Variants in SH3GLB1 observed in about 807,000 individuals in gnomAD.
SH3GLB1 encodes the protein endophilin-B1.
In SH3GLB1, 17 loss-of-function variants were observed where a neutral mutation model predicts 42.0. The observed-to-expected ratio is 0.40, with a 90% confidence interval of 0.28 to 0.61. The LOEUF is 0.61. Among genes scored for constraint, SH3GLB1 ranks in the 20% least tolerant of loss-of-function variants. The pLI is 0.36. For synonymous variants in SH3GLB1, 132 were observed against 146.6 expected (o/e 0.90, Z 0.72); for missense variants, 355 against 426.3 (o/e 0.83, Z 1.47).
intron 1 of SH3GLB1, among the ~76,000 whole-genome samples, chr1:86,713,306 T>C (rs1339748054): frequency 6.6e-6 from 1 of 152,076 alleles, no homozygotes; most frequent in Non-Finnish European, 1.5e-5. Flanking sequence ...GGTCTAGAAC[T>C]CCTGAGCTCA....
chr1:86,724,892 A>AAAAAAAATATATATATATATATAT (rs1291454820), intron 5 of SH3GLB1, among the ~76,000 whole-genome samples: 231 of 99,244 alleles, frequency 2.3e-3, no homozygotes, highest in Middle Eastern at 5.7e-3. Flanking sequence ...AAAAAAAAAA[A>AAAAAAAATATATATATATATATAT]ATATATATAT....
chr1:86,714,388 G>A (rs1216670032), intron 1 of SH3GLB1, among the ~76,000 whole-genome samples: 2 of 152,198 alleles, frequency 1.3e-5, no homozygotes, highest in Admixed American at 1.3e-4. Flanking sequence ...TATGGGCTTA[G>A]GCAATAGCTT....
At chr1:86,710,505 TCCACCC>T (rs1654147790) in intron 1 of SH3GLB1, among the ~76,000 whole-genome samples, 5 of 152,136 alleles carry the variant, frequency 3.3e-5, no homozygotes, top group Admixed American at 3.3e-4. Context: ...TCTCAGGTGA[TCCACCC>T]GCCTCAGCCT....
chr1:86,719,418 T>C, intron 2 of SH3GLB1, 89 bp from the exon 3 acceptor site: 3 of 1,149,002 alleles, frequency 2.6e-6, no homozygotes, highest in Admixed American at 2.6e-5. Flanking sequence ...CTTTAGGAGA[T>C]GATAAATGGC....
Position 86,704,837 on chromosome 1 carries a change from C to A in SH3GLB1, c.-63C>A. ...GCCGCTCTAGCCCTGCGCCCCAGCC[C>A]GGCCGCGGCACCTCCGCCTCGCCGC... On this transcript the variant is annotated 5_prime_UTR_variant, in exon 1 of 9. Coordinates refer to ENST00000370558, the MANE Select transcript of SH3GLB1 (RefSeq NM_016009.5). 1 of 1,193,636 alleles carries A rather than the reference C, an allele frequency of 8.4e-7. No homozygotes were observed. 73.9% of individuals were successfully genotyped at this position (1,193,636 alleles called of 1,614,324 possible). A position where few individuals can be genotyped will look rare whatever the true frequency, so the allele number is the denominator to read the frequency against.
rs748716503 is a variant in SH3GLB1 at position 86,724,289 on chromosome 1, AT to A, written c.478-18del. On this transcript the variant is annotated intron_variant, in intron 4 of 8. Transcript: ENST00000370558. Reference sequence around the variant, plus strand: ...CAGAATTTTAGCATCTTTAGCCCTTATTTTTTCTTTTCTATATTTATAGAAA... The same window carrying A: ...CAGAATTTTAGCATCTTTAGCCCTTATTTTTCTTTTCTATATTTATAGAAA... 4.0e-6 allele frequency: 6 copies of A among 1,510,010 alleles called. No homozygotes were observed. The Admixed American group carries it at 6.5e-5, about 16-fold the overall frequency. The allele number at this position is 1,510,010 out of a possible 1,614,324, so 93.5% of individuals were successfully genotyped here.
chr1:86,721,002 T>G (rs1381434143), intron 3 of SH3GLB1, among the ~76,000 whole-genome samples: 1 of 152,222 alleles, frequency 6.6e-6, no homozygotes, highest in African/African-American at 2.4e-5. Flanking sequence ...CAAGCTCAGT[T>G]AGATGCTGGG....
Position 86,704,586 on chromosome 1 carries a change from T to G in SH3GLB1, c.-314T>G, listed in dbSNP as rs1653693207. 8.4e-6 allele frequency: 2 copies of G among 237,674 alleles called. No individual in the cohort carries two copies. The highest frequency in any genetic ancestry group is 1.7e-5 in the Non-Finnish European group (2 of 120,882). The allele number at this position is 237,674 out of a possible 1,614,324, so 14.7% of individuals were successfully genotyped here. ...CCGCGGCCCGCGCTTGTTTTTCCCT[T>G]GGGACCCGGGTCCACACGGCGGGGT... On this transcript the variant is annotated 5_prime_UTR_variant, in exon 1 of 9. Coordinates refer to ENST00000370558, the MANE Select transcript of SH3GLB1 (RefSeq NM_016009.5).
chr1:86,715,706 T>G lies in SH3GLB1; in HGVS notation c.73-18T>G. ...TTATTTGCAGTATATTTAATTTTTG[T>G]TTTACAATCAATAACAGTTCACAGA... On this transcript the variant is annotated intron_variant, in intron 1 of 8. Transcript: ENST00000370558. The G allele has an allele frequency of 6.4e-7, 1 of 1,570,032 alleles. No individual in the cohort carries two copies.
chr1:86,729,035 A>G (rs548838884), intron 5 of SH3GLB1, among the ~76,000 whole-genome samples: 1 of 152,266 alleles, frequency 6.6e-6, no homozygotes, highest in East Asian at 1.9e-4. Flanking sequence ...TAGCCTTGGG[A>G]AAGAATAGAG....
At position 86,710,264 on chromosome 1, in the gene SH3GLB1, G is replaced by T. The variant is rs78296935; in HGVS notation, c.72+5293G>T. 8.5e-3 allele frequency among the ~76,000 whole-genome samples: 1,200 copies of T among 140,646 alleles called. 23 individuals carry two copies. Among genetic ancestry groups the T allele is most frequent in the African/African-American group, 0.032 (1,072 of 33,376 alleles). The allele number at this position is 140,646 out of a possible 152,430, so 92.3% of individuals were successfully genotyped here. On this transcript the variant is annotated intron_variant, in intron 1 of 8. Transcript: ENST00000370558. ...TTTAAATTCATCATATTTCTTGAAA[G>T]AATTTTTTTTTTTTTTTTGAGACGG...
chr1:86,710,786 T>C (rs1455435047), intron 1 of SH3GLB1, among the ~76,000 whole-genome samples: 1 of 152,162 alleles, frequency 6.6e-6, no homozygotes, highest in Non-Finnish European at 1.5e-5. Flanking sequence ...GTAACAGTAA[T>C]AACAGCTGAA....
intron 5 of SH3GLB1, 65 bp downstream of exon 5, chr1:86,724,470 A>G (rs1368300711): frequency 8.0e-6 from 10 of 1,257,818 alleles, no homozygotes; most frequent in Middle Eastern, 2.6e-4. Flanking sequence ...TTGCTAATAA[A>G]CCATGAAAGA....
chr1:86,707,750 G>A (rs919117492), intron 1 of SH3GLB1, among the ~76,000 whole-genome samples: 6 of 148,322 alleles, frequency 4.0e-5, no homozygotes, highest in Non-Finnish European at 5.9e-5. Context: ...CCCGATTCAA[G>A]CCAATCTCCT....
rs111891833 is a variant in SH3GLB1, at chr1:86,717,700, G to A, written c.215-1807G>A. 4.6e-4 allele frequency among the ~76,000 whole-genome samples: 70 copies of A among 152,296 alleles called. 1 individual carries two copies. Among genetic ancestry groups the A allele is most frequent in the African/African-American group, 1.5e-3 (64 of 41,570 alleles). On this transcript the variant is annotated intron_variant, in intron 2 of 8. Transcript: ENST00000370558. ...GCCTCCCAAAGCGCTGGGATTACACGTGTGAGCCACCATGCCCAGCCTGTG... is the reference window on the plus strand; with the variant it reads ...GCCTCCCAAAGCGCTGGGATTACACATGTGAGCCACCATGCCCAGCCTGTG...
chr1:86,724,912 TAAAATATATA>T (rs1363246532), intron 5 of SH3GLB1, among the ~76,000 whole-genome samples: 4 of 123,128 alleles, frequency 3.2e-5, no homozygotes, highest in African/African-American at 1.1e-4. Context: ...TATATATATA[TAAAATATATA>T]ATATATATGT....
Position 86,715,873 on chromosome 1 carries a change from A to C in SH3GLB1, c.214+8A>C. On this transcript the variant is annotated splice_region_variant and intron_variant, in intron 2 of 8. Coordinates refer to ENST00000370558, the MANE Select transcript of SH3GLB1 (RefSeq NM_016009.5). Reference sequence around the variant, plus strand: ...TATTGCAGCCAAATCCAAGTAAGAAACTCTACCTCTTGTGTACCTTAAGTA... The same window carrying C: ...TATTGCAGCCAAATCCAAGTAAGAACCTCTACCTCTTGTGTACCTTAAGTA... The C allele has an allele frequency of 1.9e-6, 3 of 1,604,876 alleles. No homozygotes were observed. Among genetic ancestry groups the C allele is most frequent in the Non-Finnish European group, 2.5e-6 (3 of 1,178,048 alleles).
At chr1:86,705,077 C>A (rs1189875688) in intron 1 of SH3GLB1, 106 bp downstream of exon 1, 1 of 707,492 alleles carries the variant, frequency 1.4e-6, no homozygotes, top group East Asian at 3.5e-5. Context: ...ACCCAGCGGG[C>A]CTGCTGCAGC....
In SH3GLB1 at chr1:86,704,808, C is replaced by T. The variant is rs1439703517; in HGVS notation, c.-92C>T. Reference sequence around the variant, plus strand: ...GCCTCCCTCCACCTACCACGTCTGCCCTCGCCGCTCTAGCCCTGCGCCCCA... The same window carrying T: ...GCCTCCCTCCACCTACCACGTCTGCTCTCGCCGCTCTAGCCCTGCGCCCCA... On this transcript the variant is annotated 5_prime_UTR_variant, in exon 1 of 9. Transcript: ENST00000370558. The T allele has an allele frequency of 1.4e-6, 1 of 738,360 alleles. No individual in the cohort carries two copies. Among genetic ancestry groups the T allele is most frequent in the Non-Finnish European group, 2.1e-6 (1 of 469,508 alleles). 45.7% of individuals were successfully genotyped at this position (738,360 alleles called of 1,614,324 possible). A position where few individuals can be genotyped will look rare whatever the true frequency, so the allele number is the denominator to read the frequency against.
Sources: allele counts gnomAD v4.1 joint callset (sites outside exome capture counted in the v4.1 genomes callset), GRCh38; gene constraint gnomAD v4.1.1; transcripts MANE v1.5; gene names NCBI Gene and HGNC (gene_info 2026-07-23, HGNC 2026-07-21).